The following PDGFC variants were observed in gnomAD, a reference collection of about 807,000 sequenced individuals.
PDGFC encodes platelet-derived growth factor C.
A neutral mutation model predicts 35.5 loss-of-function variants in PDGFC; 12 were observed. The observed-to-expected ratio is 0.34, with a 90% CI of 0.22 to 0.55. The LOEUF (loss-of-function observed/expected upper bound fraction) is 0.55, where lower values mean the gene tolerates loss of function less well. PDGFC is among the 20% of genes least tolerant of loss of function. The pLI, the probability that PDGFC is intolerant of heterozygous loss-of-function variation, is 0.91. For synonymous variants in PDGFC, 159 were observed against 148.8 expected, an observed-to-expected ratio of 1.07 and a Z score of -0.50; for missense variants, 322 against 412.4, an observed-to-expected ratio of 0.78 and a Z score of 1.90.
intron 3 of PDGFC, among the ~76,000 whole-genome samples, chr4:156,800,289 T>G (rs1353922097): frequency 6.6e-6 from 1 of 152,180 alleles, no homozygotes; most frequent in Non-Finnish European, 1.5e-5. Flanking sequence ...AAGCTTAAAA[T>G]ATATGAGCCT....
chr4:156,787,405 T>C (rs1731157793), intron 3 of PDGFC, among the ~76,000 whole-genome samples: 1 of 152,086 alleles, frequency 6.6e-6, no homozygotes, highest in African/African-American at 2.4e-5. Flanking sequence ...CATCATGGAG[T>C]ACCAAGTGCG....
chr4:156,877,734 T>C (rs1730148062), intron 1 of PDGFC, among the ~76,000 whole-genome samples: 1 of 152,156 alleles, frequency 6.6e-6, no homozygotes. Context: ...AAAATTCAGA[T>C]GGGAAATAAA....
intron 2 of PDGFC, among the ~76,000 whole-genome samples, chr4:156,822,925 GGTTTCTCCGT>G (rs1317603301): frequency 1.3e-5 from 2 of 151,808 alleles, no homozygotes; most frequent in African/African-American, 4.8e-5. Flanking sequence ...ATAGAGATGG[GGTTTCTCCGT>G]GTTGGTCAGG....
At chr4:156,878,554 G>A (rs1213694123) in intron 1 of PDGFC, among the ~76,000 whole-genome samples, 1 of 152,112 alleles carries the variant, frequency 6.6e-6, no homozygotes, top group Non-Finnish European at 1.5e-5. Context: ...GTTGTGACCA[G>A]AAGTATTTTA....
intron 1 of PDGFC, among the ~76,000 whole-genome samples, chr4:156,933,373 G>T (rs1293590429): frequency 6.6e-6 from 1 of 152,202 alleles, no homozygotes; most frequent in Admixed American, 6.5e-5. Context: ...GTCGTTGGCA[G>T]ACATGCACAG....
intron 1 of PDGFC, among the ~76,000 whole-genome samples, chr4:156,925,522 G>T (rs764404856): frequency 2.0e-5 from 3 of 152,078 alleles, no homozygotes; most frequent in Non-Finnish European, 2.9e-5. Flanking sequence ...GAAGGCAGAA[G>T]AATAGGGGAA....
chr4:156,827,112 A>G (rs2111007372), intron 2 of PDGFC, among the ~76,000 whole-genome samples: 1 of 152,250 alleles, frequency 6.6e-6, no homozygotes, highest in Non-Finnish European at 1.5e-5. Context: ...ATTATTCAAA[A>G]TTTGCCTTTA....
chr4:156,784,941 T>C (rs139553166), intron 3 of PDGFC, among the ~76,000 whole-genome samples: 9 of 152,328 alleles, frequency 5.9e-5, no homozygotes, highest in African/African-American at 1.9e-4. Flanking sequence ...GCATTATTAA[T>C]AGAGAAAATT....
intron 1 of PDGFC, among the ~76,000 whole-genome samples, chr4:156,878,188 G>C (rs1237761808): frequency 6.6e-6 from 1 of 152,150 alleles, no homozygotes; most frequent in Non-Finnish European, 1.5e-5. Context: ...CATGAGTTGG[G>C]GGTAGGCAGA....
intron 1 of PDGFC, among the ~76,000 whole-genome samples, chr4:156,962,034 C>CTG (rs746902476): frequency 7.2e-5 from 11 of 152,126 alleles, no homozygotes; most frequent in Admixed American, 2.6e-4. Flanking sequence ...AAATCTGTCA[C>CTG]TGCCTGCCTG....
At chr4:156,839,394 T>C (rs867966103) in intron 2 of PDGFC, among the ~76,000 whole-genome samples, 11 of 152,298 alleles carry the variant, frequency 7.2e-5, no homozygotes, top group East Asian at 1.9e-4. Flanking sequence ...CCTGCCCCCA[T>C]GTGAAGAAGG....
chr4:156,956,707 A>C (rs1732221603), intron 1 of PDGFC, among the ~76,000 whole-genome samples: 1 of 152,094 alleles, frequency 6.6e-6, no homozygotes. Flanking sequence ...TAGCAATGTT[A>C]ATATGTACTT....
At chr4:156,893,154 A>C (rs1173634476) in intron 1 of PDGFC, among the ~76,000 whole-genome samples, 1 of 152,210 alleles carries the variant, frequency 6.6e-6, no homozygotes, top group Non-Finnish European at 1.5e-5. Context: ...TCTGTGAGTC[A>C]CCAAGAGAAT....
intron 4 of PDGFC, among the ~76,000 whole-genome samples, chr4:156,771,946 A>C (rs1264816741): frequency 6.6e-6 from 1 of 152,192 alleles, no homozygotes; most frequent in Non-Finnish European, 1.5e-5. Flanking sequence ...TTACTAAAAA[A>C]ATTAGGTAAT....
chr4:156,895,198 A>G (rs552506937), intron 1 of PDGFC, among the ~76,000 whole-genome samples: 20 of 152,332 alleles, frequency 1.3e-4, no homozygotes, highest in African/African-American at 4.6e-4. Flanking sequence ...GCAATGACAG[A>G]CCAAATCAGC....
intron 1 of PDGFC, among the ~76,000 whole-genome samples, chr4:156,901,639 T>G (rs1730788467): frequency 6.6e-6 from 1 of 152,088 alleles, no homozygotes; most frequent in Non-Finnish European, 1.5e-5. Flanking sequence ...TTTATTTTTC[T>G]AAGACAGAGT....
chr4:156,878,604 A>G (rs1241834890), intron 1 of PDGFC, among the ~76,000 whole-genome samples: 1 of 152,130 alleles, frequency 6.6e-6, no homozygotes, highest in African/African-American at 2.4e-5. Context: ...TTTGCATTAT[A>G]TATACTTACC....
intron 4 of PDGFC, chr4:156,770,184 C>T (rs924995006): frequency 1.3e-5 from 2 of 151,966 alleles, no homozygotes; most frequent in Admixed American, 6.6e-5. Context: ...TCATGTTTGA[C>T]ACAAAAGTCA....
intron 1 of PDGFC, among the ~76,000 whole-genome samples, chr4:156,884,108 G>A (rs1730319486): frequency 6.6e-6 from 1 of 152,148 alleles, no homozygotes; most frequent in African/African-American, 2.4e-5. Flanking sequence ...CCTCCAAGAA[G>A]GAAAGCTAAA....
Sources: allele counts gnomAD v4.1 joint callset (sites outside exome capture counted in the v4.1 genomes callset), GRCh38; gene constraint gnomAD v4.1.1; transcripts MANE v1.5; gene names NCBI Gene and HGNC (gene_info 2026-07-23, HGNC 2026-07-21).